DNAH8: variants seen among roughly 807,000 people sequenced by gnomAD.
The protein encoded by DNAH8 is dynein axonemal heavy chain 8.
Under a neutral mutation model 562.1 loss-of-function variants are expected in DNAH8, and 382 were observed. The ratio of observed to expected loss-of-function variants is 0.68; its 90% CI spans 0.63 to 0.74. The LOEUF is 0.74. DNAH8 is among the 30% of genes least tolerant of loss of function. DNAH8 has a pLI of 0.00. For synonymous variants in DNAH8, 1,881 were observed against 1,919.4 expected (o/e 0.98, Z 0.52); for missense variants, 5,203 against 5,620.4 (o/e 0.93, Z 2.37).
intron 85 of DNAH8, among the ~76,000 whole-genome samples, chr6:38,981,340 A>G (rs564624472): frequency 6.6e-6 from 1 of 152,320 alleles, no homozygotes; most frequent in South Asian, 2.1e-4. Flanking sequence ...ATCAGGTCTA[A>G]TACTTGCCAT....
intron 79 of DNAH8, among the ~76,000 whole-genome samples, chr6:38,940,683 A>G (rs1171340333): frequency 6.6e-6 from 1 of 152,170 alleles, no homozygotes; most frequent in Non-Finnish European, 1.5e-5. Context: ...TCCTTAGCCA[A>G]AGCCAGACAC....
At chr6:38,760,216 T>C (rs1766355764) in intron 10 of DNAH8, among the ~76,000 whole-genome samples, 1 of 152,208 alleles carries the variant, frequency 6.6e-6, no homozygotes, top group African/African-American at 2.4e-5. Context: ...GATTTCTACA[T>C]GTCTGAAAAT....
chr6:38,906,907 T>G (rs1780523043), intron 63 of DNAH8, among the ~76,000 whole-genome samples: 1 of 152,170 alleles, frequency 6.6e-6, no homozygotes, highest in Non-Finnish European at 1.5e-5. Flanking sequence ...TCTGAAACTT[T>G]TTGAGCACGG....
At chr6:39,013,332 T>C (rs1766353301) in intron 91 of DNAH8, among the ~76,000 whole-genome samples, 2 of 152,212 alleles carry the variant, frequency 1.3e-5, no homozygotes, top group Non-Finnish European at 2.9e-5. Flanking sequence ...TATGGCTCCA[T>C]TTGTAATAAA....
intron 24 of DNAH8, among the ~76,000 whole-genome samples, chr6:38,808,634 T>G (rs767288946): frequency 6.6e-6 from 1 of 152,226 alleles, no homozygotes; most frequent in Non-Finnish European, 1.5e-5. Flanking sequence ...TAAAGACATA[T>G]GCACACGTAT....
Position 38,926,012 on chromosome 6 carries a change from C to T in DNAH8, c.10963-43C>T, listed in dbSNP as rs1020995819. The T allele has an allele frequency of 2.6e-6, 4 of 1,566,996 alleles. No individual in the cohort carries two copies. In the African/African-American group the frequency reaches 4.1e-5, roughly 16 times the overall value. On this transcript the variant is annotated intron_variant, in intron 73 of 92. Transcript: ENST00000327475. ...ACTTTTAATTACTAATGAGGGCATTCCTGTTCTCCTTTGAATGGTGATATC... is the reference window on the plus strand; with the variant it reads ...ACTTTTAATTACTAATGAGGGCATTTCTGTTCTCCTTTGAATGGTGATATC...
intron 69 of DNAH8, among the ~76,000 whole-genome samples, 160 bp downstream of exon 69, chr6:38,917,566 T>C (rs187156477): frequency 5.6e-4 from 85 of 152,332 alleles, no homozygotes; most frequent in African/African-American, 1.2e-3. Flanking sequence ...GAGGGATAGA[T>C]TTTAAAGCCA....
intron 21 of DNAH8, among the ~76,000 whole-genome samples, chr6:38,798,372 C>T (rs1770482372): frequency 6.6e-6 from 1 of 152,186 alleles, no homozygotes; most frequent in Non-Finnish European, 1.5e-5. Context: ...CCCTAAGGCA[C>T]TTCTTTAGTA....
At chr6:38,774,017 T>G (rs1328031977) in intron 12 of DNAH8, among the ~76,000 whole-genome samples, 2 of 152,204 alleles carry the variant, frequency 1.3e-5, no homozygotes, top group Non-Finnish European at 2.9e-5. Context: ...AAGGCTCTAG[T>G]GTGTCAGTGT....
chr6:38,854,840 A>G (rs549103411), intron 41 of DNAH8, among the ~76,000 whole-genome samples: 138 of 150,582 alleles, frequency 9.2e-4, no homozygotes, highest in Non-Finnish European at 1.7e-3. Flanking sequence ...GTATATATAT[A>G]TGAACATATA....
intron 56 of DNAH8, among the ~76,000 whole-genome samples, chr6:38,884,942 C>T (rs1353298015): frequency 6.6e-6 from 1 of 152,170 alleles, no homozygotes; most frequent in African/African-American, 2.4e-5. Context: ...TACACTGCTT[C>T]ATTGACACCA....
chr6:38,985,306 G>A (rs552782113), intron 87 of DNAH8, among the ~76,000 whole-genome samples: 1 of 152,258 alleles, frequency 6.6e-6, no homozygotes, highest in East Asian at 1.9e-4. Flanking sequence ...ACACCTAAGT[G>A]AGAAAAAACC....
At chr6:38,771,255 C>G (rs1295740169) in intron 12 of DNAH8, among the ~76,000 whole-genome samples, 1 of 152,122 alleles carries the variant, frequency 6.6e-6, no homozygotes, top group Non-Finnish European at 1.5e-5. Flanking sequence ...GTTTGGAAGC[C>G]TATTTTTATT....
At chr6:38,831,129 T>A (rs1459234139) in intron 30 of DNAH8, among the ~76,000 whole-genome samples, 1 of 152,046 alleles carries the variant, frequency 6.6e-6, no homozygotes, top group Admixed American at 6.6e-5. Context: ...ATTATATCAA[T>A]GGAAAAGATT....
In DNAH8 at chr6:38,938,855, A is replaced by G. The variant is rs1384887502; in HGVS notation, c.11874A>G (p.Thr3958=). 5.6e-6 allele frequency: 9 copies of G among 1,613,312 alleles called. No homozygotes were observed. In the East Asian group the frequency reaches 1.8e-4, roughly 32 times the overall value. The change falls in exon 79 of 93, where the codon ACA becomes ACG. Residue 3958 remains threonine, a synonymous_variant. Transcript: ENST00000327475. ...KRITNIIEYL[T]YEVFTYSVRG... Reference sequence around the variant, plus strand: ...TTACAAATATTATCGAGTACCTGACATATGAAGTTTTTACATACTCTGTCA... The same window carrying G: ...TTACAAATATTATCGAGTACCTGACGTATGAAGTTTTTACATACTCTGTCA...
At position 38,923,085 on chromosome 6, in the gene DNAH8, C is replaced by G. The variant is rs748121138; in HGVS notation, c.10690C>G (p.Arg3564Gly). 3.7e-6 allele frequency: 6 copies of G among 1,613,220 alleles called. No individual in the cohort carries two copies. In the African/African-American group the frequency reaches 5.3e-5, roughly 14 times the overall value. ...MDLLNDADTC[R>G]KKMQAASTLI... is the part of the protein sequence containing the mutation. The stretch of plus-strand genomic sequence containing the variant: ...TTTGCTTAATGACGCTGATACGTGC[C>G]GGAAAAAGATGCAGGCCGCCTCCAC... The change falls in exon 72 of 93, where the codon CGG (arginine) becomes GGG (glycine). Residue 3564 changes from arginine (R) to glycine (G), a missense_variant. Arg to Gly is a moderately radical substitution (Grantham distance 125). Coordinates refer to ENST00000327475, the MANE Select transcript of DNAH8 (RefSeq NM_001206927.2).
intron 8 of DNAH8, among the ~76,000 whole-genome samples, chr6:38,750,254 G>T (rs1765321068): frequency 6.6e-6 from 1 of 152,196 alleles, no homozygotes; most frequent in East Asian, 1.9e-4. Context: ...CTACAGACAG[G>T]ATTTTAATTA....
At chr6:38,834,498 A>G (rs545610122) in intron 31 of DNAH8, 81 bp from the exon 32 acceptor site, 2 of 944,328 alleles carry the variant, frequency 2.1e-6, no homozygotes, top group East Asian at 5.1e-5. Context: ...GTTTACTTAA[A>G]TGGAAATAAT....
chr6:38,795,511 C>T (rs549187030), intron 21 of DNAH8, among the ~76,000 whole-genome samples: 2 of 146,880 alleles, frequency 1.4e-5, no homozygotes, highest in East Asian at 2.3e-4. Flanking sequence ...ACCCAGGAGG[C>T]GGAGCTTGCA....
Sources: gnomAD v4.1 joint callset for allele counts (sites outside exome capture counted in the v4.1 genomes callset) on GRCh38, gnomAD v4.1.1 for gene constraint, MANE v1.5 for transcripts, NCBI Gene and HGNC (gene_info 2026-07-23, HGNC 2026-07-21) for gene names.